The following DOCK4 variants were observed in gnomAD, a reference collection of about 807,000 sequenced individuals.
DOCK4 encodes dedicator of cytokinesis 4, also known as dedicator of cytokinesis protein 4.
In DOCK4, 97 loss-of-function variants were observed where a neutral mutation model predicts 268.1. The ratio of observed to expected loss-of-function variants is 0.36; its 90% CI spans 0.31 to 0.43. DOCK4 has a LOEUF of 0.43. DOCK4 is among the 20% of genes least tolerant of loss of function. The pLI is 1.00. For synonymous variants in DOCK4, 954 were observed against 887.2 expected (o/e 1.08, Z -1.34); for missense variants, 2,145 against 2,455.7 (o/e 0.87, Z 2.67).
intron 32 of DOCK4, among the ~76,000 whole-genome samples, chr7:111,787,774 C>T (rs1442702831): frequency 1.3e-5 from 2 of 152,050 alleles, no homozygotes; most frequent in East Asian, 3.8e-4. Flanking sequence ...TATATTTTGT[C>T]ATAGAAAAAA....
intron 17 of DOCK4, among the ~76,000 whole-genome samples, chr7:111,876,748 G>GT (rs201760586): frequency 0.15 from 18,188 of 123,908 alleles, 1,217 homozygotes; most frequent in East Asian, 0.23. Context: ...TGGTATTTTC[G>GT]TTTTTTTTTT....
Position 111,877,064 on chromosome 7 carries a change from T to G in DOCK4, c.1710A>C (p.Thr570=), listed in dbSNP as rs1806951828. The G allele has an allele frequency of 6.4e-7, 1 of 1,571,264 alleles. No individual in the cohort carries two copies. The highest frequency in any genetic ancestry group is 1.4e-5 in the African/African-American group (1 of 72,800). The change falls in exon 17 of 53, where the codon ACA becomes ACC. Residue 570 remains threonine (T), a synonymous_variant. Transcript: ENST00000428084. ...TGAGTTTTGTGGAACAGAGAAAAGATGTAATACAAAAGGACTCCTTTGTGG... is the reference window on the plus strand; with the variant it reads ...TGAGTTTTGTGGAACAGAGAAAAGAGGTAATACAAAAGGACTCCTTTGTGG... ...MKATKESFCI[T]SFLCSTKLTQ...
intron 30 of DOCK4, among the ~76,000 whole-genome samples, chr7:111,797,134 G>C (rs1036628393): frequency 1.3e-5 from 2 of 152,156 alleles, no homozygotes; most frequent in African/African-American, 4.8e-5. Flanking sequence ...ACCTGAGAAC[G>C]TTAAAGAGAA....
intron 43 of DOCK4, 123 bp from the exon 44 acceptor site, chr7:111,746,540 G>C: frequency 1.4e-6 from 1 of 706,814 alleles, no homozygotes; most frequent in Non-Finnish European, 2.4e-6. Flanking sequence ...TTTTGGGACA[G>C]ATGGGCTGAT....
chr7:112,098,007 G>A (rs1011803556), intron 1 of DOCK4, among the ~76,000 whole-genome samples: 1 of 152,040 alleles, frequency 6.6e-6, no homozygotes, highest in Non-Finnish European at 1.5e-5. Context: ...CTCACTCCAC[G>A]TCTCAAATGT....
intron 26 of DOCK4, among the ~76,000 whole-genome samples, chr7:111,829,987 G>A (rs967140223): frequency 6.6e-6 from 1 of 152,110 alleles, no homozygotes; most frequent in Non-Finnish European, 1.5e-5. Context: ...TCTGATTTCT[G>A]AAGTAAAATT....
intron 1 of DOCK4, among the ~76,000 whole-genome samples, chr7:112,026,652 C>T (rs1027527719): frequency 6.6e-6 from 1 of 152,122 alleles, no homozygotes; most frequent in African/African-American, 2.4e-5. Context: ...TTTCAGTGTC[C>T]ACAAAGTTTT....
chr7:111,998,277 T>C (rs1800128784), intron 4 of DOCK4, among the ~76,000 whole-genome samples, 171 bp downstream of exon 4: 1 of 152,182 alleles, frequency 6.6e-6, no homozygotes, highest in Non-Finnish European at 1.5e-5. Flanking sequence ...ATGGGGTTCT[T>C]TAATTTTCTC....
At chr7:111,736,532 G>A (rs563545632) in intron 50 of DOCK4, among the ~76,000 whole-genome samples, 2 of 152,160 alleles carry the variant, frequency 1.3e-5, no homozygotes, top group African/African-American at 4.8e-5. Flanking sequence ...TTGGCTGAAT[G>A]AGCTTTGTAA....
chr7:111,923,547 C>T (rs747145440), intron 12 of DOCK4, among the ~76,000 whole-genome samples: 15 of 152,114 alleles, frequency 9.9e-5, no homozygotes, highest in Non-Finnish European at 1.9e-4. Flanking sequence ...TTATAACTTT[C>T]ACTTCTTTTA....
chr7:111,921,521 T>C (rs1793136360), intron 12 of DOCK4, among the ~76,000 whole-genome samples: 1 of 152,182 alleles, frequency 6.6e-6, no homozygotes. Context: ...CCACATAACA[T>C]GTAGCTACGA....
At chr7:111,785,727 C>T (rs147952078) in intron 32 of DOCK4, among the ~76,000 whole-genome samples, 68 of 152,190 alleles carry the variant, frequency 4.5e-4, no homozygotes, top group South Asian at 2.7e-3. Flanking sequence ...CTAGGTAACC[C>T]GGGTGAGAGT....
chr7:112,176,761 G>A (rs1425150542), intron 1 of DOCK4, among the ~76,000 whole-genome samples: 1 of 152,178 alleles, frequency 6.6e-6, no homozygotes, highest in Non-Finnish European at 1.5e-5. Flanking sequence ...TCAACCAACT[G>A]CATTTGCTCT....
chr7:111,887,221 T>C (rs1807922443), intron 16 of DOCK4, among the ~76,000 whole-genome samples: 1 of 152,156 alleles, frequency 6.6e-6, no homozygotes, highest in African/African-American at 2.4e-5. Flanking sequence ...CAGGAGTGGA[T>C]GGAGACAAGA....
rs745697003 is a variant in DOCK4, at chr7:111,915,918, G to C, written c.1067-14C>G. ...AAACTGCTAAACCTAAAACAGATGA[G>C]AGATACCCGAGTTAAAAACAGAATA... On this transcript the variant is annotated splice_polypyrimidine_tract_variant and intron_variant, in intron 12 of 52. Transcript: ENST00000428084. 4.4e-6 allele frequency: 7 copies of C among 1,605,974 alleles called. No homozygotes were observed. Among genetic ancestry groups the C allele is most frequent in the South Asian group, 1.1e-5 (1 of 89,004 alleles).
chr7:111,882,979 A>C (rs975281608), intron 16 of DOCK4, among the ~76,000 whole-genome samples: 1 of 152,166 alleles, frequency 6.6e-6, no homozygotes, highest in Non-Finnish European at 1.5e-5. Flanking sequence ...AGAATATGAC[A>C]AGATGTTCTA....
intron 12 of DOCK4, among the ~76,000 whole-genome samples, chr7:111,924,731 T>C (rs1285988895): frequency 6.6e-6 from 1 of 152,310 alleles, no homozygotes; most frequent in East Asian, 1.9e-4. Flanking sequence ...ACCTGGCCAA[T>C]GTAGTGAGTC....
intron 34 of DOCK4, 142 bp downstream of exon 34, chr7:111,783,715 C>T (rs1289334426): frequency 1.2e-5 from 9 of 731,504 alleles, no homozygotes; most frequent in Admixed American, 8.5e-5. Flanking sequence ...GTTAGAAGTT[C>T]ATTATCTTAG....
chr7:112,004,014 G>T, intron 2 of DOCK4, 34 bp downstream of exon 2: 1 of 1,491,250 alleles, frequency 6.7e-7, no homozygotes, highest in Non-Finnish European at 9.2e-7. Context: ...ATGAACAGCC[G>T]TATGTTGAGG....
Sources: gnomAD v4.1 joint callset for allele counts (sites outside exome capture counted in the v4.1 genomes callset) on GRCh38, gnomAD v4.1.1 for gene constraint, MANE v1.5 for transcripts, NCBI Gene and HGNC (gene_info 2026-07-23, HGNC 2026-07-21) for gene names.